CSMD1: variants seen among roughly 807,000 people sequenced by gnomAD.
The protein encoded by CSMD1 is CUB and Sushi multiple domains 1, also known as CUB and sushi domain-containing protein 1.
In CSMD1, 213 loss-of-function variants were observed where a neutral mutation model predicts 417.5. The observed-to-expected ratio is 0.51, with a 90% CI of 0.46 to 0.57. The LOEUF (loss-of-function observed/expected upper bound fraction) is 0.57. Among genes scored for constraint, CSMD1 ranks in the 20% least tolerant of loss-of-function variants. CSMD1 has a pLI of 0.00. For synonymous variants in CSMD1, 2,862 were observed against 1,736.8 expected, an observed-to-expected ratio of 1.65 and a Z score of -16.11; for missense variants, 6,923 against 4,529.7, an observed-to-expected ratio of 1.53 and a Z score of -15.17.
intron 1 of CSMD1, among the ~76,000 whole-genome samples, chr8:4,969,096 T>G (rs1192494666): frequency 1.3e-5 from 2 of 152,058 alleles, no homozygotes; most frequent in African/African-American, 2.4e-5. Flanking sequence ...ACTGACCTGG[T>G]GGTTGCTTTT....
chr8:4,015,024 C>G (rs1053518920), intron 4 of CSMD1, among the ~76,000 whole-genome samples: 3 of 152,114 alleles, frequency 2.0e-5, no homozygotes, highest in African/African-American at 7.2e-5. Flanking sequence ...TTACTAGAAT[C>G]TAAGACTGAT....
intron 8 of CSMD1, among the ~76,000 whole-genome samples, chr8:3,600,605 G>C (rs558901146): frequency 1.1e-4 from 16 of 151,938 alleles, no homozygotes; most frequent in South Asian, 2.1e-4. Flanking sequence ...TGGCAAGCAA[G>C]TATTATTGCT....
chr8:3,538,869 G>C (rs1798317968), intron 10 of CSMD1, among the ~76,000 whole-genome samples: 2 of 152,158 alleles, frequency 1.3e-5, no homozygotes, highest in South Asian at 2.1e-4. Context: ...AGTGTTCCTA[G>C]TTGTTCTCTG....
intron 10 of CSMD1, among the ~76,000 whole-genome samples, chr8:3,558,611 C>G (rs1346421319): frequency 1.5e-5 from 2 of 129,546 alleles, no homozygotes; most frequent in African/African-American, 3.7e-5. Context: ...CGTGTCCACT[C>G]CTCCAATGAT....
intron 1 of CSMD1, among the ~76,000 whole-genome samples, chr8:4,808,536 G>C (rs1798715733): frequency 6.6e-6 from 1 of 152,100 alleles, no homozygotes; most frequent in Non-Finnish European, 1.5e-5. Context: ...GGTAGAAAAA[G>C]GCTTTCAGTG....
intron 3 of CSMD1, among the ~76,000 whole-genome samples, chr8:4,236,180 C>CG (rs1162460868): frequency 1.3e-5 from 2 of 151,758 alleles, no homozygotes; most frequent in East Asian, 3.9e-4. Flanking sequence ...TGAAATGCCA[C>CG]GGACAACACA....
At chr8:4,264,597 C>G (rs77611845) in intron 3 of CSMD1, among the ~76,000 whole-genome samples, 4,058 of 152,164 alleles carry the variant, frequency 0.027, 68 homozygotes, top group Middle Eastern at 0.054. Flanking sequence ...CCTCGGCGTT[C>G]TAGGGTAGAT....
intron 3 of CSMD1, among the ~76,000 whole-genome samples, chr8:4,401,232 C>A (rs1488793977): frequency 6.6e-6 from 1 of 152,076 alleles, no homozygotes; most frequent in African/African-American, 2.4e-5. Flanking sequence ...TGAATTTCAG[C>A]ATTGTATGCT....
chr8:4,050,350 A>G (rs1393859067), intron 3 of CSMD1, among the ~76,000 whole-genome samples: 1 of 152,180 alleles, frequency 6.6e-6, no homozygotes, highest in East Asian at 1.9e-4. Context: ...CACCCACTAA[A>G]GTAATTAATC....
At chr8:4,304,412 C>A (rs28469175) in intron 3 of CSMD1, among the ~76,000 whole-genome samples, 1 of 151,998 alleles carries the variant, frequency 6.6e-6, no homozygotes, top group Non-Finnish European at 1.5e-5. Flanking sequence ...CATCTAAGAG[C>A]GACAGAAGGT....
intron 5 of CSMD1, among the ~76,000 whole-genome samples, chr8:3,770,984 G>C (rs768731059): frequency 6.7e-6 from 1 of 148,744 alleles, no homozygotes; most frequent in African/African-American, 2.5e-5. Context: ...TGTTAATTTG[G>C]ACAGTTTCTC....
rs534601492 is a variant in CSMD1 at position 3,292,546 on chromosome 8, T to C, written c.3951-8200A>G. ...TACATATATATTTAGGAGAGCTAGC[T>C]TTTCTTGTTGAATTGATCCCTTTAC... On this transcript the variant is annotated intron_variant, in intron 25 of 69. Transcript: ENST00000635120. Among the ~76,000 whole-genome samples, 152 of 152,348 alleles carry C rather than the reference T, an allele frequency of 1.0e-3. 1 individual carries two copies. The highest frequency in any genetic ancestry group is 9.5e-3 in the Admixed American group (146 of 15,300).
At chr8:3,166,847 A>G (rs1393048520) in intron 37 of CSMD1, among the ~76,000 whole-genome samples, 1 of 152,250 alleles carries the variant, frequency 6.6e-6, no homozygotes, top group African/African-American at 2.4e-5. Flanking sequence ...CCAGAAGCAG[A>G]GATATCTGGG....
At chr8:4,465,190 A>G (rs1585122348) in intron 2 of CSMD1, among the ~76,000 whole-genome samples, 1 of 152,178 alleles carries the variant, frequency 6.6e-6, no homozygotes, top group East Asian at 1.9e-4. Flanking sequence ...TAGGAAGTCC[A>G]AACCAGGAGG....
chr8:4,377,627 G>A (rs1046714863), intron 3 of CSMD1, among the ~76,000 whole-genome samples: 15 of 152,068 alleles, frequency 9.9e-5, no homozygotes, highest in Non-Finnish European at 2.2e-4. Context: ...AAAACTAGAG[G>A]TTCAATGAAA....
At chr8:3,753,162 A>G (rs1186697755) in intron 6 of CSMD1, among the ~76,000 whole-genome samples, 2 of 152,164 alleles carry the variant, frequency 1.3e-5, no homozygotes, top group Non-Finnish European at 2.9e-5. Context: ...CAACGTTCTC[A>G]TCGTCACAAT....
intron 3 of CSMD1, among the ~76,000 whole-genome samples, chr8:4,081,291 G>A (rs1438095202): frequency 6.6e-6 from 1 of 152,150 alleles, no homozygotes; most frequent in Non-Finnish European, 1.5e-5. Flanking sequence ...TCGTCTCCTA[G>A]CAGGTAAGCT....
rs977644458 is a variant in CSMD1 at position 2,966,637 on chromosome 8, G to A, written c.9033C>T (p.Thr3011=). Residue 3011 remains threonine (T), a synonymous_variant, in exon 58 of 70, where the codon ACC becomes ACT. Transcript: ENST00000635120. The part of the protein sequence containing the change: ...VIYACWEGYK[T]SGLMTRHCTA... ...TGCAATGCCGTGTCATGAGCCCTGA[G>A]GTCTTGTAGCCTTCCCAGCAGGCAT... 1 of 1,613,790 alleles carries A rather than the reference G, an allele frequency of 6.2e-7. No individual in the cohort carries two copies. Among genetic ancestry groups the A allele is most frequent in the Non-Finnish European group, 8.5e-7 (1 of 1,179,812 alleles).
At chr8:4,746,461 G>C (rs187521717) in intron 1 of CSMD1, among the ~76,000 whole-genome samples, 2 of 152,154 alleles carry the variant, frequency 1.3e-5, no homozygotes, top group African/African-American at 2.4e-5. Context: ...CACAATATCA[G>C]GCTCCCTCAA....
Sources: gnomAD v4.1 joint callset for allele counts (sites outside exome capture counted in the v4.1 genomes callset) on GRCh38, gnomAD v4.1.1 for gene constraint, MANE v1.5 for transcripts, NCBI Gene and HGNC (gene_info 2026-07-23, HGNC 2026-07-21) for gene names.